FYB1: variants seen among roughly 807,000 people sequenced by gnomAD.
The protein encoded by FYB1 is FYN binding protein 1, also known as FYN-binding protein 1.
A neutral mutation model predicts 94.1 loss-of-function variants in FYB1; 41 were observed. The ratio of observed to expected loss-of-function variants is 0.44; its 90% CI spans 0.34 to 0.57. The LOEUF is 0.57. Ranked by LOEUF, FYB1 falls within the 20% of genes least tolerant of loss-of-function variation. The pLI is 0.02. For missense variants in FYB1, 1,050 were observed against 976.8 expected, an observed-to-expected ratio of 1.07 and a Z score of -1.00; for synonymous variants, 367 against 353.2, an observed-to-expected ratio of 1.04 and a Z score of -0.44.
rs1239832126 is a variant in FYB1 at position 39,153,492 on chromosome 5, G to A, written c.1248C>T (p.Val416=). 3 of 1,613,950 alleles carry A rather than the reference G, an allele frequency of 1.9e-6. No individual in the cohort carries two copies. Among genetic ancestry groups the A allele is most frequent in the Admixed American group, 1.7e-5 (1 of 60,018 alleles). ...TAATGTTTCTGGGAGGTAGGCTTGG[G>A]ACTGGTGGTTGTGATGGGTGAGATG... ...LPASHPSQPP[V]PSLPPRNIKP... is the part of the protein sequence containing the mutation. The change falls in exon 3 of 19, where the codon GTC becomes GTT. Residue 416 remains valine (V), a synonymous_variant. Coordinates refer to ENST00000512982, the MANE Select transcript of FYB1 (RefSeq NM_001465.6).
At chr5:39,121,510 A>G (rs1431651877) in intron 14 of FYB1, among the ~76,000 whole-genome samples, 1 of 152,200 alleles carries the variant, frequency 6.6e-6, no homozygotes, top group Non-Finnish European at 1.5e-5. Context: ...CAGAAGACAC[A>G]ACTTACTGTG....
chr5:39,224,149 T>C (rs1750377857), upstream of FYB1, among the ~76,000 whole-genome samples: 1 of 152,234 alleles, frequency 6.6e-6, no homozygotes, highest in African/African-American at 2.4e-5. Flanking sequence ...ACGAAACCGA[T>C]GGCCATTCCA....
intron 15 of FYB1, 105 bp downstream of exon 15, chr5:39,119,430 C>T: frequency 3.7e-6 from 3 of 820,394 alleles, no homozygotes; most frequent in African/African-American, 3.5e-5. Context: ...CATTTTGTTA[C>T]TTAAAAATCA....
chr5:39,216,561 C>T (rs1321981653), intron 1 of FYB1, among the ~76,000 whole-genome samples: 5 of 152,128 alleles, frequency 3.3e-5, no homozygotes, highest in Admixed American at 2.6e-4. Flanking sequence ...GCTCTCTCTC[C>T]CCCTGCCCTG....
At chr5:39,249,097 C>T (rs1262442532) in intron 1 of FYB1, among the ~76,000 whole-genome samples, 3 of 152,198 alleles carry the variant, frequency 2.0e-5, no homozygotes, top group Non-Finnish European at 4.4e-5. Flanking sequence ...ACTTCTCCTT[C>T]ATCACTGAAA....
intron 2 of FYB1, among the ~76,000 whole-genome samples, chr5:39,174,517 T>C (rs947977028): frequency 6.6e-6 from 1 of 152,230 alleles, no homozygotes; most frequent in Admixed American, 6.5e-5. Context: ...GAATATCATT[T>C]AGACTTAGGG....
intron 2 of FYB1, among the ~76,000 whole-genome samples, chr5:39,201,262 C>T (rs768285714): frequency 2.3e-4 from 35 of 152,140 alleles, no homozygotes; most frequent in Admixed American, 1.4e-3. Context: ...GACATTATGG[C>T]CTGAATAATT....
intron 2 of FYB1, among the ~76,000 whole-genome samples, chr5:39,167,516 G>A (rs1195410953): frequency 6.6e-6 from 1 of 152,074 alleles, no homozygotes; most frequent in African/African-American, 2.4e-5. Context: ...AACCTAAATT[G>A]CTCTGCATGC....
chr5:39,245,882 G>A (rs557324085), intron 1 of FYB1, among the ~76,000 whole-genome samples: 3 of 152,218 alleles, frequency 2.0e-5, no homozygotes, highest in South Asian at 4.1e-4. Context: ...TTACAGGCAT[G>A]AGCCACTGCG....
At chr5:39,184,170 T>C (rs1487965660) in intron 2 of FYB1, among the ~76,000 whole-genome samples, 2 of 152,210 alleles carry the variant, frequency 1.3e-5, no homozygotes, top group Non-Finnish European at 2.9e-5. Context: ...AATGTGATTA[T>C]ATTATTCCCA....
chr5:39,201,222 T>TA (rs1748286802), intron 2 of FYB1, among the ~76,000 whole-genome samples: 1 of 152,200 alleles, frequency 6.6e-6, no homozygotes, highest in Non-Finnish European at 1.5e-5. Flanking sequence ...TGCAGTCACT[T>TA]AAAGGAGGGC....
At chr5:39,130,172 T>C (rs1340400453) in intron 10 of FYB1, among the ~76,000 whole-genome samples, 1 of 152,052 alleles carries the variant, frequency 6.6e-6, no homozygotes, top group African/African-American at 2.4e-5. Context: ...AAATACTGCA[T>C]GTACTCACAC....
At chr5:39,184,740 ATTTCT>A (rs1746590926) in intron 2 of FYB1, among the ~76,000 whole-genome samples, 1 of 152,116 alleles carries the variant, frequency 6.6e-6, no homozygotes, top group African/African-American at 2.4e-5. Flanking sequence ...AAATGTATAC[ATTTCT>A]TGATGATCCA....
At chr5:39,120,451 C>A (rs967030527) in intron 14 of FYB1, among the ~76,000 whole-genome samples, 2 of 152,046 alleles carry the variant, frequency 1.3e-5, no homozygotes, top group Non-Finnish European at 2.9e-5. Context: ...GTAGCCTGTC[C>A]GCACACAGGA....
In FYB1 at chr5:39,267,157, T is replaced by C. The variant is rs902939565; in HGVS notation, c.-28+7246A>G. 2.0e-5 allele frequency among the ~76,000 whole-genome samples: 3 copies of C among 152,216 alleles called. No individual in the cohort carries two copies. In the East Asian group the frequency reaches 5.8e-4, roughly 29 times the overall value. On this transcript the variant is annotated intron_variant, in intron 1 of 1. Coordinates refer to the FYB1 transcript ENST00000510188. The stretch of plus-strand genomic sequence containing the variant: ...TTGTTAGAGGAATTTAATGAGATAG[T>C]GTATGTCAGGGCTTAGCAATGCTAA...
rs766296408 is a variant in FYB1, at chr5:39,134,859, A to G, written c.1671T>C (p.Gly557=). 4 of 1,613,802 alleles carry G rather than the reference A, an allele frequency of 2.5e-6. No individual in the cohort carries two copies. In the South Asian group the frequency reaches 3.3e-5, roughly 13 times the overall value. ...CATAGAGAAATTTGCACTCACATGA[A>G]CCCCTTGCTGTTCTGCCCAACCATT... ...EGKWLGRTAR[G]SYGYIKTTAV... is the part of the protein sequence containing the mutation. The change falls in exon 8 of 19, where the codon GGT becomes GGC. Residue 557 remains glycine (G), a synonymous_variant. Transcript: ENST00000512982.
intron 10 of FYB1, among the ~76,000 whole-genome samples, chr5:39,130,040 T>G (rs577376217): frequency 6.6e-6 from 1 of 151,838 alleles, no homozygotes; most frequent in East Asian, 1.9e-4. Flanking sequence ...AAAGAAAATT[T>G]TGTCTATACG....
At chr5:39,179,180 CA>C (rs1561219328) in intron 2 of FYB1, among the ~76,000 whole-genome samples, 2 of 152,296 alleles carry the variant, frequency 1.3e-5, no homozygotes, top group South Asian at 4.1e-4. Context: ...CTATTGTTCT[CA>C]TTTGTAGATG....
At chr5:39,248,041 G>GTCCC (rs1285489032) in intron 1 of FYB1, among the ~76,000 whole-genome samples, 1 of 152,054 alleles carries the variant, frequency 6.6e-6, no homozygotes, top group East Asian at 1.9e-4. Context: ...ATTTAAAGGA[G>GTCCC]TCCCTACTCT....
Sources: allele counts gnomAD v4.1 joint callset (sites outside exome capture counted in the v4.1 genomes callset), GRCh38; gene constraint gnomAD v4.1.1; transcripts MANE v1.5; gene names NCBI Gene and HGNC (gene_info 2026-07-23, HGNC 2026-07-21).